CIAO1: variants seen among roughly 807,000 people sequenced by gnomAD.
The protein encoded by CIAO1 is probable cytosolic iron-sulfur protein assembly protein CIAO1.
CIAO1 carries 32 observed loss-of-function variants against 43.1 expected under a neutral mutation model. That is an observed-to-expected ratio of 0.74 (90% CI 0.56 to 1.00). The LOEUF (loss-of-function observed/expected upper bound fraction) is 1.00. CIAO1 is among the 50% of genes least tolerant of loss of function. The probability of loss-of-function intolerance (pLI) is 0.00; values close to 1 mark genes in which losing one functional copy is unlikely to be tolerated. For missense variants in CIAO1, 415 were observed against 437.4 expected, an observed-to-expected ratio of 0.95 and a Z score of 0.46; for synonymous variants, 183 against 171.4, an observed-to-expected ratio of 1.07 and a Z score of -0.53.
chr2:96,271,377 T>C lies in CIAO1; in HGVS notation c.*26T>C, dbSNP rs1259456198. ...GCTACCTCGACTTTGGACAGAGTAA[T>C]GACTCCCCAGAAAACGTCATATAAG... On this transcript the variant is annotated 3_prime_UTR_variant, in exon 7 of 7. Transcript: ENST00000488633. 10 of 1,607,064 alleles carry C rather than the reference T, an allele frequency of 6.2e-6. No individual in the cohort carries two copies. Among genetic ancestry groups the C allele is most frequent in the Non-Finnish European group, 7.7e-6 (9 of 1,176,006 alleles).
chr2:96,266,584 C>T (rs1684434922), intron 1 of CIAO1, 95 bp downstream of exon 1: 4 of 1,237,784 alleles, frequency 3.2e-6, no homozygotes, highest in South Asian at 2.9e-5. Context: ...GAACCTGTTC[C>T]TGGCGGAGGG....
chr2:96,267,817 C>T lies in CIAO1; in HGVS notation c.401-19C>T, dbSNP rs1040435477. The T allele has an allele frequency of 1.9e-6, 3 of 1,613,366 alleles. No homozygotes were observed. Among genetic ancestry groups the T allele is most frequent in the East Asian group, 4.5e-5 (2 of 44,890 alleles). ...CCCTGACAGGGTCGGCTCTTGGGTC[C>T]CCTTTTTCTCTCCCACAGTTGATGA... is the stretch of plus-strand genomic sequence containing the variant. On this transcript the variant is annotated intron_variant, in intron 3 of 6. Coordinates refer to ENST00000488633, the MANE Select transcript of CIAO1 (RefSeq NM_004804.3).
intron 4 of CIAO1, 112 bp downstream of exon 4, chr2:96,268,036 A>G (rs1684472372): frequency 3.5e-6 from 3 of 862,338 alleles, no homozygotes; most frequent in Non-Finnish European, 1.9e-6. Context: ...TCCATCTGTG[A>G]ACAAAAAACA....
At chr2:96,269,446 G>C (rs909088566) in intron 6 of CIAO1, 91 bp downstream of exon 6, 1 of 1,234,448 alleles carries the variant, frequency 8.1e-7, no homozygotes, top group Middle Eastern at 1.9e-4. Flanking sequence ...AACCCTGGGG[G>C]AGTGCTTGGG....
rs1350350014 is a variant in CIAO1 at position 96,271,922 on chromosome 2, A to G, written c.*571A>G. On this transcript the variant is annotated 3_prime_UTR_variant, in exon 7 of 7. Transcript: ENST00000488633. ...CCCTCATATACCTCCCTGCACCGTT[A>G]CGCTGTGATGGCAACTGGGGATAGA... 6.6e-6 allele frequency: 1 copy of G among 152,388 alleles called. No homozygotes were observed. The highest frequency in any genetic ancestry group is 2.4e-5 in the African/African-American group (1 of 41,434). The allele number at this position is 152,388 out of a possible 1,614,324, so 9.4% of individuals were successfully genotyped here.
At chr2:96,267,582 G>T (rs763293806) in intron 2 of CIAO1, 43 bp from the exon 3 acceptor site, 63 of 1,609,972 alleles carry the variant, frequency 3.9e-5, no homozygotes, top group Non-Finnish European at 5.1e-5. Flanking sequence ...GGGCTTAGGG[G>T]TGTTAGCTGC....
chr2:96,271,373 G>GAT lies in CIAO1; in HGVS notation c.*22_*23insAT. 6.2e-7 allele frequency: 1 copy of GAT among 1,607,670 alleles called. No individual in the cohort carries two copies. The highest frequency in any genetic ancestry group is 1.1e-5 in the South Asian group (1 of 90,920). On this transcript the variant is annotated 3_prime_UTR_variant, in exon 7 of 7. Coordinates refer to ENST00000488633, the MANE Select transcript of CIAO1 (RefSeq NM_004804.3). Reference sequence around the variant, plus strand: ...CTGAGCTACCTCGACTTTGGACAGAGTAATGACTCCCCAGAAAACGTCATA... The same window carrying GAT: ...CTGAGCTACCTCGACTTTGGACAGAGATTAATGACTCCCCAGAAAACGTCATA...
rs562137591 is a variant in CIAO1 at position 96,271,388 on chromosome 2, A to G, written c.*37A>G. ...TTTGGACAGAGTAATGACTCCCCAG[A>G]AAACGTCATATAAGACTTTACCAGC... On this transcript the variant is annotated 3_prime_UTR_variant, in exon 7 of 7. Transcript: ENST00000488633. 3.1e-6 allele frequency: 5 copies of G among 1,602,514 alleles called. No individual in the cohort carries two copies. The East Asian group carries it at 1.1e-4, about 36-fold the overall frequency.
chr2:96,270,677 G>T (rs1684531110), intron 6 of CIAO1, among the ~76,000 whole-genome samples: 1 of 148,884 alleles, frequency 6.7e-6, no homozygotes, highest in African/African-American at 2.5e-5. Context: ...GGGCATGGTG[G>T]CACATGCCTG....
At chr2:96,270,546 T>C (rs1274048178) in intron 6 of CIAO1, among the ~76,000 whole-genome samples, 1 of 150,828 alleles carries the variant, frequency 6.6e-6, no homozygotes, top group Non-Finnish European at 1.5e-5. Flanking sequence ...CAGTGGCTCA[T>C]GGCCTGTAAT....
Position 96,272,275 on chromosome 2 carries a change from C to A in CIAO1, c.*924C>A, listed in dbSNP as rs1264817313. On this transcript the variant is annotated 3_prime_UTR_variant, in exon 7 of 7. Transcript: ENST00000488633. ...ATGGGTTCTAATGTGACAATGGCCT[C>A]CAAAACTACAGCCTTCCCTGAAGTT... 2.6e-5 allele frequency: 4 copies of A among 152,198 alleles called. No homozygotes were observed. Among genetic ancestry groups the A allele is most frequent in the Non-Finnish European group, 5.9e-5 (4 of 68,044 alleles). The allele number at this position is 152,198 out of a possible 1,614,324, so 9.4% of individuals were successfully genotyped here. A position where few individuals can be genotyped will look rare whatever the true frequency, so the allele number is the denominator to read the frequency against.
Position 96,269,317 on chromosome 2 carries a change from G to A in CIAO1, c.741G>A (p.Leu247=). 1 of 1,614,184 alleles carries A rather than the reference G, an allele frequency of 6.2e-7. No homozygotes were observed. Among genetic ancestry groups the A allele is most frequent in the Non-Finnish European group, 8.5e-7 (1 of 1,180,044 alleles). ...CCAGTTGGAAATGTATCTGTACTTT[G>A]TCCGGCTTCCACTCAAGGACCATTT... ...SDPSWKCICT[L]SGFHSRTIYD... is the part of the protein sequence containing the mutation. Residue 247 remains leucine (L), a synonymous_variant, in exon 6 of 7, where the codon TTG becomes TTA. Transcript: ENST00000488633.
At position 96,273,820 on chromosome 2, in the gene CIAO1, G is replaced by A. The variant is rs1380127422; in HGVS notation, c.*2469G>A. 6.6e-6 allele frequency among the ~76,000 whole-genome samples: 1 copy of A among 152,050 alleles called. No individual in the cohort carries two copies. The highest frequency in any genetic ancestry group is 1.5e-5 in the Non-Finnish European group (1 of 68,024). On this transcript the variant is annotated 3_prime_UTR_variant, in exon 7 of 7. Transcript: ENST00000488633. The stretch of plus-strand genomic sequence containing the variant: ...AAAAAGTTTGGATGTAGAAGCAGCT[G>A]TAAGAATTCAACTGTTTATTATAAC...
chr2:96,268,721 C>G (rs1684485373), intron 5 of CIAO1, 63 bp downstream of exon 5: 1 of 1,536,622 alleles, frequency 6.5e-7, no homozygotes, highest in South Asian at 1.1e-5. Flanking sequence ...TCTGCTAAGA[C>G]ACGTACATGA....
At position 96,272,468 on chromosome 2, in the gene CIAO1, T is replaced by C. The variant is rs1348014374; in HGVS notation, c.*1117T>C. On this transcript the variant is annotated 3_prime_UTR_variant, in exon 7 of 7. Coordinates refer to ENST00000488633, the MANE Select transcript of CIAO1 (RefSeq NM_004804.3). ...AATCAAGGTGGTGGCAGCAAACTTC[T>C]AGTAGTTTTGATATGTCCTTGATAG... 6.6e-6 allele frequency: 1 copy of C among 152,356 alleles called. No homozygotes were observed. Among genetic ancestry groups the C allele is most frequent in the Non-Finnish European group, 1.5e-5 (1 of 68,054 alleles). The allele number at this position is 152,356 out of a possible 1,614,324, so 9.4% of individuals were successfully genotyped here. A position where few individuals can be genotyped will look rare whatever the true frequency, so the allele number is the denominator to read the frequency against.
chr2:96,266,457 G>A lies in CIAO1; in HGVS notation c.107G>A (p.Gly36Asp). 3 of 1,552,000 alleles carry A rather than the reference G, an allele frequency of 1.9e-6. No homozygotes were observed. The highest frequency in any genetic ancestry group is 2.5e-5 in the East Asian group (1 of 40,282). Residue 36 changes from glycine to aspartate, a missense_variant, in exon 1 of 7, where the codon GGC becomes GAC. Physicochemically the swap from Gly to Asp is moderately conservative, Grantham distance 94. Coordinates refer to ENST00000488633, the MANE Select transcript of CIAO1 (RefSeq NM_004804.3). Reference sequence around the variant, plus strand: ...GGGACCCTGCTGGCCTCGTGCGGCGGCGACCGGAGAATCCGCATCTGGGGC... The same window carrying A: ...GGGACCCTGCTGGCCTCGTGCGGCGACGACCGGAGAATCCGCATCTGGGGC... Reference protein sequence around the residue: ...PAGTLLASCGGDRRIRIWGTE... With the variant: ...PAGTLLASCGDDRRIRIWGTE...
At position 96,273,669 on chromosome 2, in the gene CIAO1, A is replaced by G. The variant is rs1684599068; in HGVS notation, c.*2318A>G. On this transcript the variant is annotated 3_prime_UTR_variant, in exon 7 of 7. Transcript: ENST00000488633. ...CAGAGCGAGACTCCATTTCAAAAAA[A>G]AAAAAAAAAAAAAAAAATCACTTGT... Among the ~76,000 whole-genome samples, 1 of 142,804 alleles carries G rather than the reference A, an allele frequency of 7.0e-6. No homozygotes were observed. The highest frequency in any genetic ancestry group is 1.5e-5 in the Non-Finnish European group (1 of 66,452). The allele number at this position is 142,804 out of a possible 152,430, so 93.7% of individuals were successfully genotyped here.
intron 6 of CIAO1, among the ~76,000 whole-genome samples, chr2:96,269,596 C>T (rs998997942): frequency 1.3e-5 from 2 of 152,138 alleles, no homozygotes; most frequent in African/African-American, 2.4e-5. Context: ...TCGCACAGCT[C>T]GTGCTGTCCA....
At chr2:96,267,270 C>CT (rs1558757833) in intron 1 of CIAO1, 51 bp from the exon 2 acceptor site, 2 of 1,554,014 alleles carry the variant, frequency 1.3e-6, no homozygotes, top group Non-Finnish European at 1.7e-6. Flanking sequence ...TATTGAATGG[C>CT]TTCATGGTGC....
Sources: gnomAD v4.1 joint callset for allele counts (sites outside exome capture counted in the v4.1 genomes callset) on GRCh38, gnomAD v4.1.1 for gene constraint, MANE v1.5 for transcripts, NCBI Gene and HGNC (gene_info 2026-07-23, HGNC 2026-07-21) for gene names.